Variants in PCDHGB2 observed in about 807,000 individuals in gnomAD.
PCDHGB2 encodes protocadherin gamma-B2.
A neutral mutation model predicts 59.3 loss-of-function variants in PCDHGB2; 55 were observed. The observed-to-expected ratio is 0.93, with a 90% CI of 0.75 to 1.16. The LOEUF is 1.16. Among genes scored for constraint, PCDHGB2 ranks in the 50% most tolerant of loss-of-function variants. The pLI, the probability that PCDHGB2 is intolerant of heterozygous loss-of-function variation, is 0.00. For missense variants in PCDHGB2, 1,228 were observed against 1,198.5 expected (o/e 1.02, Z -0.36); for synonymous variants, 516 against 512.0 (o/e 1.01, Z -0.11).
chr5:141,415,147 C>A lies in PCDHGB2; in HGVS notation c.2421+52591C>A, dbSNP rs779194230. The A allele has an allele frequency of 9.9e-6, 16 of 1,613,668 alleles. No individual in the cohort carries two copies. Among genetic ancestry groups the A allele is most frequent in the African/African-American group, 1.3e-5 (1 of 74,952 alleles). On this transcript the variant is annotated intron_variant, in intron 1 of 3. Transcript: ENST00000522605. ...CGTCCAGGACCACGGCCAGCCCCCT[C>A]TCTCCGCCACTGTCACGCTCACCGT... is the stretch of plus-strand genomic sequence containing the variant.
Position 141,477,968 on chromosome 5 carries a change from C to T in PCDHGB2, c.2422-16839C>T. 6.2e-7 allele frequency: 1 copy of T among 1,614,140 alleles called. No individual in the cohort carries two copies. Among genetic ancestry groups the T allele is most frequent in the Non-Finnish European group, 8.5e-7 (1 of 1,180,042 alleles). The stretch of plus-strand genomic sequence containing the variant: ...TCTCTTGGGATCCCCTAACCAGAGC[C>T]TTTTTGCCATAGGGCTGCACACTGG... On this transcript the variant is annotated intron_variant, in intron 1 of 3. Transcript: ENST00000522605. The surrounding 1 kb of genome is among the most constrained non-coding windows in gnomAD (Gnocchi z 4.9).
intron 2 of PCDHGB2, among the ~76,000 whole-genome samples, chr5:141,497,879 G>A (rs62379207): frequency 4.6e-4 from 70 of 152,244 alleles, no homozygotes; most frequent in Non-Finnish European, 8.2e-4. Flanking sequence ...TGAAATAAGC[G>A]TTAGGATCTA....
chr5:141,415,026 G>T, intron 1 of PCDHGB2: 2 of 1,613,590 alleles, frequency 1.2e-6, no homozygotes, highest in Non-Finnish European at 1.7e-6. Context: ...AGGCCAGCGA[G>T]CCGGGACTCT....
At position 141,431,270 on chromosome 5, in the gene PCDHGB2, G is replaced by C. The variant is rs369177310; in HGVS notation, c.2422-63537G>C. 1.2e-5 allele frequency: 19 copies of C among 1,613,996 alleles called. No homozygotes were observed. Among genetic ancestry groups the C allele is most frequent in the Non-Finnish European group, 1.5e-5 (18 of 1,180,018 alleles). ...CGGGAAGAACTCTCTGCAGAGCTAC[G>C]AGCTCAGCCCGAACACTCACTTCTC... is the stretch of plus-strand genomic sequence containing the variant. On this transcript the variant is annotated intron_variant, in intron 1 of 3. Coordinates refer to ENST00000522605, the MANE Select transcript of PCDHGB2 (RefSeq NM_018923.3). This position sits in a 1 kb window ranked among gnomAD's most constrained non-coding sequence, Gnocchi z 4.8.
At chr5:141,376,253 C>T (rs778244253) in intron 1 of PCDHGB2, 2 of 1,614,222 alleles carry the variant, frequency 1.2e-6, no homozygotes, top group East Asian at 4.5e-5. Flanking sequence ...CAAGTCACGC[C>T]TGCTGCAGGC....
intron 1 of PCDHGB2, chr5:141,376,302 T>C (rs763012052): frequency 1.2e-6 from 2 of 1,614,166 alleles, no homozygotes; most frequent in South Asian, 2.2e-5. Context: ...GGCTCGCACT[T>C]TGTGGGCGTG....
intron 1 of PCDHGB2, chr5:141,371,092 C>T (rs1348283879): frequency 6.2e-7 from 1 of 1,613,802 alleles, no homozygotes. Context: ...GTAATTGTCG[C>T]AGATGCAAAT....
intron 1 of PCDHGB2, among the ~76,000 whole-genome samples, chr5:141,442,609 TA>T (rs1238913928): frequency 6.6e-6 from 1 of 152,112 alleles, no homozygotes; most frequent in African/African-American, 2.4e-5. Flanking sequence ...GAGATCTCAG[TA>T]AAAAGCATTT....
At chr5:141,483,584 T>C (rs2099583159) in intron 1 of PCDHGB2, among the ~76,000 whole-genome samples, 1 of 152,064 alleles carries the variant, frequency 6.6e-6, no homozygotes, top group African/African-American at 2.4e-5. Context: ...CATAAACACC[T>C]AATAGGTCAG....
chr5:141,376,152 C>T, intron 1 of PCDHGB2: 2 of 1,614,026 alleles, frequency 1.2e-6, no homozygotes, highest in Non-Finnish European at 1.7e-6. Context: ...TCGGACCTCA[C>T]TCTGTACCTG....
chr5:141,448,756 C>T (rs938202200), intron 1 of PCDHGB2, among the ~76,000 whole-genome samples: 1 of 151,742 alleles, frequency 6.6e-6, no homozygotes, highest in African/African-American at 2.4e-5. Context: ...CTGGCTAACA[C>T]GGTGAAACCC....
At chr5:141,506,563 C>T (rs925780739) in intron 3 of PCDHGB2, among the ~76,000 whole-genome samples, 2 of 152,062 alleles carry the variant, frequency 1.3e-5, no homozygotes, top group Non-Finnish European at 2.9e-5. Context: ...TAAACCCCCT[C>T]GGTTTCACTT....
At chr5:141,377,523 G>C (rs937581595) in intron 1 of PCDHGB2, 1 of 151,990 alleles carries the variant, frequency 6.6e-6, no homozygotes, top group Non-Finnish European at 1.5e-5. Flanking sequence ...TTAAGTCCAG[G>C]GGTATGAGGC....
intron 1 of PCDHGB2, chr5:141,427,003 T>C: frequency 2.2e-6 from 1 of 456,764 alleles, no homozygotes; most frequent in South Asian, 1.5e-5. Flanking sequence ...GCCCCAGTTT[T>C]TAGCCAGGAT....
intron 1 of PCDHGB2, among the ~76,000 whole-genome samples, chr5:141,452,745 GGAA>G (rs2098748194): frequency 6.6e-6 from 1 of 152,054 alleles, no homozygotes; most frequent in Non-Finnish European, 1.5e-5. Flanking sequence ...AGAGAGAGAA[GGAA>G]GAAGGAAGGG....
chr5:141,500,384 T>C (rs956708207), intron 2 of PCDHGB2, among the ~76,000 whole-genome samples: 1 of 151,894 alleles, frequency 6.6e-6, no homozygotes, highest in African/African-American at 2.4e-5. Context: ...AATTATTTTG[T>C]ATTTTTAGTA....
chr5:141,360,361 A>T lies in PCDHGB2; in HGVS notation c.226A>T (p.Thr76Ser). 1 of 1,613,910 alleles carries T rather than the reference A, an allele frequency of 6.2e-7. No individual in the cohort carries two copies. Among genetic ancestry groups the T allele is most frequent in the Non-Finnish European group, 8.5e-7 (1 of 1,179,822 alleles). Residue 76 changes from threonine (T) to serine (S), a missense_variant, in exon 1 of 4, where the codon ACA becomes TCA. By Grantham distance (58) the Thr-to-Ser change is moderately conservative. This residue lies in a region of PCDHGB2 where 781 missense variants were observed against 721.6 expected (regional missense o/e 1.08). Transcript: ENST00000522605. ...LRVSAEKEYF[T>S]VNPESGDLLV... ...GGTTAGCGCGGAGAAGGAATATTTC[A>T]CAGTAAACCCAGAAAGCGGAGACTT...
intron 1 of PCDHGB2, chr5:141,441,728 G>T: frequency 2.8e-6 from 1 of 361,966 alleles, no homozygotes. Flanking sequence ...CCCGCGACCA[G>T]GACTAGCTCG....
At chr5:141,365,048 C>T (rs1211654942) in intron 1 of PCDHGB2, 2 of 1,613,776 alleles carry the variant, frequency 1.2e-6, no homozygotes, top group East Asian at 2.2e-5. Flanking sequence ...CGACAATGCG[C>T]CCCTGTTCAC....
Sources: gnomAD v4.1 joint callset for allele counts (sites outside exome capture counted in the v4.1 genomes callset) on GRCh38, gnomAD v4.1.1 for gene constraint, gnomAD v4.1.1 regional missense constraint, Gnocchi (gnomAD v3.1) non-coding constraint, MANE v1.5 for transcripts, NCBI Gene and HGNC (gene_info 2026-07-23, HGNC 2026-07-21) for gene names.